Variants in WDR5 observed in about 807,000 individuals in gnomAD.
The protein encoded by WDR5 is WD repeat domain 5.
For synonymous variants in WDR5, 144 were observed against 161.6 expected (o/e 0.89, Z 0.83); for missense variants, 187 against 416.9 (o/e 0.45, Z 4.80).
At chr9:134,151,555 C>T (rs1832488060) in intron 8 of WDR5, among the ~76,000 whole-genome samples, 1 of 152,192 alleles carries the variant, frequency 6.6e-6, no homozygotes, top group Non-Finnish European at 1.5e-5. Context: ...AGACTGCTTA[C>T]AATACTCTTA....
At chr9:134,146,052 C>T (rs1477533098) in intron 7 of WDR5, among the ~76,000 whole-genome samples, 4 of 151,654 alleles carry the variant, frequency 2.6e-5, no homozygotes, top group Admixed American at 6.6e-5. Flanking sequence ...GCAAGCTCCA[C>T]CTCCCGGGTT....
intron 7 of WDR5, among the ~76,000 whole-genome samples, chr9:134,143,269 G>A (rs1266567518): frequency 3.3e-5 from 5 of 152,174 alleles, no homozygotes; most frequent in African/African-American, 9.6e-5. Flanking sequence ...GGCCGGGCGT[G>A]GCGGCTCACG....
intron 1 of WDR5, among the ~76,000 whole-genome samples, chr9:134,137,039 G>A (rs920872191): frequency 6.6e-6 from 1 of 152,192 alleles, no homozygotes; most frequent in African/African-American, 2.4e-5. Flanking sequence ...CACCCGGCTG[G>A]TGTTTAAGAT....
intron 12 of WDR5, among the ~76,000 whole-genome samples, 164 bp from the exon 13 acceptor site, chr9:134,156,342 A>G (rs1832739797): frequency 6.6e-6 from 1 of 152,188 alleles, no homozygotes; most frequent in Admixed American, 6.5e-5. Context: ...AGGAAGCCTC[A>G]GGCCTGGCTG....
chr9:134,141,366 A>G (rs1003867126), intron 3 of WDR5, 144 bp from the exon 4 acceptor site: 4 of 697,430 alleles, frequency 5.7e-6, no homozygotes, highest in Non-Finnish European at 1.0e-5. Context: ...CCTCTCAGGC[A>G]TGTGGCCGTG....
chr9:134,154,116 T>A (rs1167685717), intron 9 of WDR5, among the ~76,000 whole-genome samples: 1 of 152,168 alleles, frequency 6.6e-6, no homozygotes. Context: ...TTGCTGCTGG[T>A]GGAGTTGTCC....
At chr9:134,156,614 A>C in intron 13 of WDR5, 21 bp downstream of exon 13, 1 of 1,612,766 alleles carries the variant, frequency 6.2e-7, no homozygotes, top group Non-Finnish European at 8.5e-7. Context: ...GCGCTCCTGC[A>C]GTCACTGGCT....
Position 134,158,140 on chromosome 9 carries a change from C to A in WDR5, c.*147C>A. ...GCCTCCTCTCTGAAGATGATTTGGC[C>A]GAGCGGAAGGTGTGGACCACCGGAA... On this transcript the variant is annotated 3_prime_UTR_variant, in exon 14 of 14. Coordinates refer to ENST00000358625, the MANE Select transcript of WDR5 (RefSeq NM_017588.3). 1 of 686,150 alleles carries A rather than the reference C, an allele frequency of 1.5e-6. No homozygotes were observed. The highest frequency in any genetic ancestry group is 2.7e-5 in the East Asian group (1 of 36,786). The allele number at this position is 686,150 out of a possible 1,614,324, so 42.5% of individuals were successfully genotyped here.
At chr9:134,141,451 C>T (rs1167644022) in intron 3 of WDR5, 59 bp from the exon 4 acceptor site, 2 of 1,571,264 alleles carry the variant, frequency 1.3e-6, no homozygotes, top group Admixed American at 1.7e-5. Context: ...ACTTTGGACT[C>T]TGGATGACTA....
rs573197654 is a variant in WDR5, at chr9:134,140,793, G to C, written c.172G>C (p.Glu58Gln). ...VSSVKFSPNGEWLASSSADKL... is the reference protein window; with the variant it reads ...VSSVKFSPNGQWLASSSADKL... ...CTCCGTGAAATTCAGCCCGAATGGAGAGTGGCTGGCAAGTTCATGTACGTA... is the reference window on the plus strand; with the variant it reads ...CTCCGTGAAATTCAGCCCGAATGGACAGTGGCTGGCAAGTTCATGTACGTA... The change falls in exon 3 of 14, where the codon GAG becomes CAG. Residue 58 changes from glutamate (E) to glutamine (Q), a missense_variant. Coordinates refer to ENST00000358625, the MANE Select transcript of WDR5 (RefSeq NM_017588.3). 6.2e-7 allele frequency: 1 copy of C among 1,614,168 alleles called. No individual in the cohort carries two copies. The highest frequency in any genetic ancestry group is 2.2e-5 in the East Asian group (1 of 44,884).
At position 134,154,510 on chromosome 9, in the gene WDR5, G is replaced by A. The variant is rs1451022543; in HGVS notation, c.676G>A (p.Gly226Ser). The change falls in exon 10 of 14, where the codon GGC (glycine) becomes AGC (serine). Residue 226 changes from glycine (G) to serine (S), a missense_variant. Transcript: ENST00000358625. ...GTCTTTTGTGAAGTTCTCCCCGAACGGCAAATACATCCTGGCCGCCACGCT... is the reference window on the plus strand; with the variant it reads ...GTCTTTTGTGAAGTTCTCCCCGAACAGCAAATACATCCTGGCCGCCACGCT... ...PVSFVKFSPNGKYILAATLDN... is the reference protein window; with the variant it reads ...PVSFVKFSPNSKYILAATLDN... The A allele has an allele frequency of 3.1e-6, 5 of 1,614,154 alleles. No homozygotes were observed. The highest frequency in any genetic ancestry group is 1.1e-5 in the South Asian group (1 of 91,080).
intron 8 of WDR5, among the ~76,000 whole-genome samples, chr9:134,151,222 G>T (rs1366099007): frequency 5.9e-5 from 9 of 152,238 alleles, no homozygotes; most frequent in Admixed American, 4.6e-4. Flanking sequence ...GTGTGGTCTC[G>T]TCCCTGGATT....
Position 134,157,593 on chromosome 9 carries a change from G to C in WDR5, c.905-300G>C, listed in dbSNP as rs951438890. On this transcript the variant is annotated intron_variant, in intron 13 of 13. Coordinates refer to ENST00000358625, the MANE Select transcript of WDR5 (RefSeq NM_017588.3). This position sits in a 1 kb window ranked among gnomAD's most constrained non-coding sequence, Gnocchi z 5.0. ...TGCCGCGCTCCTCCTTGTGGGCGCC[G>C]AGCTGCTGTTGGTGGGGGCGTGTGG... 8.5e-5 allele frequency among the ~76,000 whole-genome samples: 13 copies of C among 152,266 alleles called. No individual in the cohort carries two copies. Among genetic ancestry groups the C allele is most frequent in the African/African-American group, 3.1e-4 (13 of 41,554 alleles).
At chr9:134,144,286 G>A (rs965650029) in intron 7 of WDR5, among the ~76,000 whole-genome samples, 4 of 152,324 alleles carry the variant, frequency 2.6e-5, no homozygotes, top group Admixed American at 1.3e-4. Flanking sequence ...GTGTGCTTGC[G>A]GGCCCAGCCC....
chr9:134,146,593 G>A (rs554815834), intron 7 of WDR5, among the ~76,000 whole-genome samples: 58 of 152,320 alleles, frequency 3.8e-4, no homozygotes, highest in Non-Finnish European at 6.9e-4. Flanking sequence ...GGAGTGCAGT[G>A]GATGGGCTGT....
rs751603544 is a variant in WDR5 at position 134,157,846 on chromosome 9, C to T, written c.905-47C>T. The T allele has an allele frequency of 3.1e-6, 5 of 1,588,458 alleles. No homozygotes were observed. The South Asian group carries it at 4.4e-5, about 14-fold the overall frequency. On this transcript the variant is annotated intron_variant, in intron 13 of 13. Coordinates refer to ENST00000358625, the MANE Select transcript of WDR5 (RefSeq NM_017588.3). This position sits in a 1 kb window ranked among gnomAD's most constrained non-coding sequence, Gnocchi z 5.0. ...GCTCAGTCTGGGATGGCGTCCCCGA[C>T]CCAGGCGCAGGGATGGCTCTGGTTC...
At chr9:134,140,966 CTG>C (rs1831857029) in intron 3 of WDR5, among the ~76,000 whole-genome samples, 155 bp downstream of exon 3, 1 of 152,190 alleles carries the variant, frequency 6.6e-6, no homozygotes. Flanking sequence ...CCTCCTGGAA[CTG>C]TGAGCTCAGT....
chr9:134,140,203 CTG>C (rs1488865729), intron 2 of WDR5, among the ~76,000 whole-genome samples: 2 of 152,198 alleles, frequency 1.3e-5, no homozygotes, highest in African/African-American at 4.8e-5. Flanking sequence ...GTAAGAGTCT[CTG>C]TAGGAACCAG....
chr9:134,150,537 A>G (rs1832437059), intron 8 of WDR5, among the ~76,000 whole-genome samples: 1 of 152,200 alleles, frequency 6.6e-6, no homozygotes, highest in Non-Finnish European at 1.5e-5. Context: ...GTTACTCAGC[A>G]TTGTTGGGAG....
Sources: gnomAD v4.1 joint callset for allele counts (sites outside exome capture counted in the v4.1 genomes callset) on GRCh38, gnomAD v4.1.1 for gene constraint, Gnocchi (gnomAD v3.1) non-coding constraint, MANE v1.5 for transcripts, NCBI Gene and HGNC (gene_info 2026-07-23, HGNC 2026-07-21) for gene names.